Variants in MINK1 observed in about 807,000 individuals in gnomAD.
MINK1 encodes misshapen like kinase 1, also known as misshapen-like kinase 1.
In MINK1, 46 loss-of-function variants were observed where a neutral mutation model predicts 178.4. The ratio of observed to expected loss-of-function variants is 0.26; its 90% CI spans 0.20 to 0.33. The LOEUF is 0.33. MINK1 is among the 10% of genes least tolerant of loss of function. The probability of loss-of-function intolerance (pLI) is 1.00; values close to 1 mark genes in which losing one functional copy is unlikely to be tolerated. For synonymous variants in MINK1, 797 were observed against 709.7 expected, an observed-to-expected ratio of 1.12 and a Z score of -1.96; for missense variants, 1,366 against 1,814.9, an observed-to-expected ratio of 0.75 and a Z score of 4.49.
intron 1 of MINK1, among the ~76,000 whole-genome samples, chr17:4,858,900 A>C (rs1024326371): frequency 1.3e-5 from 2 of 152,114 alleles, no homozygotes; most frequent in African/African-American, 4.8e-5. Flanking sequence ...TCTCTCCCAG[A>C]CTAGAGAGGT....
In MINK1 at chr17:4,897,202, A is replaced by G; in HGVS notation, c.3916-2A>G. The stretch of plus-strand genomic sequence containing the variant: ...GGTGACTTCTTCTCCTGCCCCACCC[A>G]GGTGTTTTTTGCCTCAGTCCGCTCT... On this transcript the variant is annotated splice_acceptor_variant, in intron 31 of 31. Transcript: ENST00000355280. LOFTEE classifies it high-confidence loss of function. The G allele has an allele frequency of 6.2e-7, 1 of 1,612,564 alleles. No individual in the cohort carries two copies. The highest frequency in any genetic ancestry group is 8.5e-7 in the Non-Finnish European group (1 of 1,179,348).
chr17:4,873,834 G>A (rs1196380991), intron 1 of MINK1, among the ~76,000 whole-genome samples: 1 of 151,882 alleles, frequency 6.6e-6, no homozygotes, highest in Non-Finnish European at 1.5e-5. Flanking sequence ...TGGCCAGGCT[G>A]GTCTCGAACT....
chr17:4,842,203 G>A (rs1016694093), intron 1 of MINK1, among the ~76,000 whole-genome samples: 8 of 137,368 alleles, frequency 5.8e-5, no homozygotes, highest in African/African-American at 1.7e-4. Flanking sequence ...CAGCCTGGGC[G>A]ACAGAGCGAG....
At chr17:4,891,231 C>T (rs910756091) in intron 15 of MINK1, 107 bp downstream of exon 15, 2 of 1,165,586 alleles carry the variant, frequency 1.7e-6, no homozygotes, top group East Asian at 2.6e-5. Flanking sequence ...CACACCTGCT[C>T]AGCCGTGAGC....
At position 4,885,608 on chromosome 17, in the gene MINK1, T is replaced by G; in HGVS notation, c.634T>G (p.Tyr212Asp). Residue 212 changes from tyrosine to aspartate, a missense_variant, in exon 7 of 32, where the codon TAC becomes GAC. By Grantham distance (160) the Tyr-to-Asp change is radical. This residue lies in a region of MINK1 where 109 missense variants were observed against 369.4 expected (regional missense o/e 0.30). Transcript: ENST00000355280. The surrounding 1 kb of genome is among the most constrained non-coding windows in gnomAD (Gnocchi z 5.0). The stretch of plus-strand genomic sequence containing the variant: ...TGAGAACCCTGATGCCACCTATGAT[T>G]ACAGGGTATGGAGTGGAAAGTTGGG... ...CDENPDATYD[Y>D]RSDIWSLGIT... 1 of 1,613,890 alleles carries G rather than the reference T, an allele frequency of 6.2e-7. No individual in the cohort carries two copies. The highest frequency in any genetic ancestry group is 8.5e-7 in the Non-Finnish European group (1 of 1,179,856).
chr17:4,887,572 C>G lies in MINK1; in HGVS notation c.1020-8C>G. On this transcript the variant is annotated splice_polypyrimidine_tract_variant and splice_region_variant and intron_variant, in intron 11 of 31. Transcript: ENST00000355280. The surrounding 1 kb of genome is among the most constrained non-coding windows in gnomAD (Gnocchi z 7.6). ...ACCCCAGTGCTTCTTTGTGCCACCCCTGCCCAGCTCCATCATGAACGTGCC... is the reference window on the plus strand; with the variant it reads ...ACCCCAGTGCTTCTTTGTGCCACCCGTGCCCAGCTCCATCATGAACGTGCC... 1 of 1,506,492 alleles carries G rather than the reference C, an allele frequency of 6.6e-7. No individual in the cohort carries two copies. The highest frequency in any genetic ancestry group is 1.3e-5 in the South Asian group (1 of 74,628). 93.3% of individuals were successfully genotyped at this position (1,506,492 alleles called of 1,614,324 possible). A position where few individuals can be genotyped will look rare whatever the true frequency, so the allele number is the denominator to read the frequency against.
At position 4,885,278 on chromosome 17, in the gene MINK1, C is replaced by A. The variant is rs1193469733; in HGVS notation, c.509-205C>A. Among the ~76,000 whole-genome samples, 1 of 152,134 alleles carries A rather than the reference C, an allele frequency of 6.6e-6. No individual in the cohort carries two copies. The highest frequency in any genetic ancestry group is 2.4e-5 in the African/African-American group (1 of 41,404). On this transcript the variant is annotated intron_variant, in intron 6 of 31. Transcript: ENST00000355280. This position sits in a 1 kb window ranked among gnomAD's most constrained non-coding sequence, Gnocchi z 5.0. ...TCCTGCCTGGGATGCTGTCCGTGAT[C>A]CTTTTACCTGGGTTTTTCTCTAAGA...
rs368568083 is a variant in MINK1, at chr17:4,873,109, C to A, written c.58-5208C>A. On this transcript the variant is annotated intron_variant, in intron 1 of 31. Coordinates refer to ENST00000355280, the MANE Select transcript of MINK1 (RefSeq NM_153827.5). ...ATTCGAGGCCATCACTCCCCTTATC[C>A]CCCTGCAGCCTCCATGACCATCTCC... 3.9e-5 allele frequency among the ~76,000 whole-genome samples: 6 copies of A among 152,302 alleles called. No homozygotes were observed. The East Asian group carries it at 9.7e-4, about 25-fold the overall frequency.
chr17:4,850,719 C>G (rs964635650), intron 1 of MINK1, among the ~76,000 whole-genome samples: 1 of 152,158 alleles, frequency 6.6e-6, no homozygotes, highest in African/African-American at 2.4e-5. Context: ...TGAAGCTTCT[C>G]TAGTCTCTTC....
chr17:4,858,162 G>A (rs1913500334), intron 1 of MINK1, among the ~76,000 whole-genome samples: 1 of 152,146 alleles, frequency 6.6e-6, no homozygotes, highest in Non-Finnish European at 1.5e-5. Flanking sequence ...GGGAGCTGAT[G>A]AATTTATGGG....
intron 1 of MINK1, among the ~76,000 whole-genome samples, chr17:4,868,413 C>A (rs1915361261): frequency 6.6e-6 from 1 of 152,126 alleles, no homozygotes; most frequent in Non-Finnish European, 1.5e-5. Flanking sequence ...CTCTCTTCAT[C>A]CCCCTGCCCT....
intron 1 of MINK1, among the ~76,000 whole-genome samples, chr17:4,842,222 CA>C (rs144657930): frequency 0.011 from 1,437 of 127,178 alleles, 21 homozygotes; most frequent in African/African-American, 0.04. Context: ...AGACTCTGTC[CA>C]AAAAAAAAAA....
At position 4,861,395 on chromosome 17, in the gene MINK1, G is replaced by A. The variant is rs144715393; in HGVS notation, c.58-16922G>A. 3.5e-4 allele frequency among the ~76,000 whole-genome samples: 53 copies of A among 152,252 alleles called. No homozygotes were observed. In the East Asian group the frequency reaches 6.6e-3, roughly 19 times the overall value. On this transcript the variant is annotated intron_variant, in intron 1 of 31. Transcript: ENST00000355280. ...CACAGTGCCAGGCGACATCTATTTC[G>A]ACCCACATGAGGCGCTCTGTCTGTT...
At position 4,886,131 on chromosome 17, in the gene MINK1, A is replaced by G; in HGVS notation, c.706A>G (p.Met236Val). 1 of 1,613,884 alleles carries G rather than the reference A, an allele frequency of 6.2e-7. No individual in the cohort carries two copies. Among genetic ancestry groups the G allele is most frequent in the Non-Finnish European group, 8.5e-7 (1 of 1,179,854 alleles). The change falls in exon 9 of 32, where the codon ATG becomes GTG. Residue 236 changes from methionine to valine, a missense_variant. Met to Val is a conservative substitution (Grantham distance 21, BLOSUM62 1). This residue lies in a region of MINK1 where 109 missense variants were observed against 369.4 expected (regional missense o/e 0.30). Transcript: ENST00000355280. The surrounding 1 kb of genome is among the most constrained non-coding windows in gnomAD (Gnocchi z 6.1). ...TCCTCTGTGTCCAGCTCTGTGTGACATGCACCCCATGCGAGCCCTCTTCCT... is the reference window on the plus strand; with the variant it reads ...TCCTCTGTGTCCAGCTCTGTGTGACGTGCACCCCATGCGAGCCCTCTTCCT... ...MAEGAPPLCDMHPMRALFLIP... is the reference protein window; with the variant it reads ...MAEGAPPLCDVHPMRALFLIP...
rs1184639663 is a variant in MINK1, at chr17:4,885,398, C to A, written c.509-85C>A. 2.6e-6 allele frequency: 4 copies of A among 1,555,514 alleles called. No individual in the cohort carries two copies. Among genetic ancestry groups the A allele is most frequent in the South Asian group, 1.2e-5 (1 of 82,814 alleles). On this transcript the variant is annotated intron_variant, in intron 6 of 31. Transcript: ENST00000355280. This position sits in a 1 kb window ranked among gnomAD's most constrained non-coding sequence, Gnocchi z 5.0. ...GGGCCAGGACCACAGCTGGCTCAGG[C>A]AAGTCCTGTGTGTGCACGCAGGGAT...
intron 1 of MINK1, among the ~76,000 whole-genome samples, chr17:4,869,510 C>T (rs2150937614): frequency 6.6e-6 from 1 of 151,918 alleles, no homozygotes; most frequent in South Asian, 2.1e-4. Context: ...CTCCTGGGCT[C>T]AAGTGATCCT....
chr17:4,892,040 T>C (rs1195025009), intron 16 of MINK1, 109 bp from the exon 17 acceptor site: 4 of 932,920 alleles, frequency 4.3e-6, no homozygotes, highest in Admixed American at 2.5e-5. Flanking sequence ...TGAACCTCAG[T>C]TTTCTCATCC....
chr17:4,872,544 G>C (rs1915979430), intron 1 of MINK1, among the ~76,000 whole-genome samples: 1 of 152,024 alleles, frequency 6.6e-6, no homozygotes, highest in Admixed American at 6.6e-5. Context: ...AGGCCGAGGT[G>C]GGTGGATCAC....
At chr17:4,858,270 A>C (rs868128701) in intron 1 of MINK1, among the ~76,000 whole-genome samples, 3 of 151,902 alleles carry the variant, frequency 2.0e-5, no homozygotes, top group South Asian at 2.1e-4. Flanking sequence ...AGCTCAGGAA[A>C]ACAGGCCTAT....
Sources: allele counts gnomAD v4.1 joint callset (sites outside exome capture counted in the v4.1 genomes callset), GRCh38; gene constraint gnomAD v4.1.1; regional missense constraint gnomAD v4.1.1; non-coding constraint Gnocchi (gnomAD v3.1); transcripts MANE v1.5; gene names NCBI Gene and HGNC (gene_info 2026-07-23, HGNC 2026-07-21).